LOC400499: variants seen among roughly 807,000 people sequenced by gnomAD.
At chr16:11,409,667 A>C in the LOC400499 span, among the ~76,000 whole-genome samples, 6 of 152,266 alleles carry the variant, frequency 3.9e-5, no homozygotes, top group African/African-American at 1.4e-4. Context: ...GAAAGCTGGG[A>C]AATTGTATAT....
chr16:11,447,319 T>C, the LOC400499 span, among the ~76,000 whole-genome samples: 119,239 of 151,990 alleles, frequency 0.78, 46,932 homozygotes, highest in South Asian at 0.85. Context: ...TAATACTGAT[T>C]GGACACAGTG....
the LOC400499 span, among the ~76,000 whole-genome samples, chr16:11,510,718 C>T: frequency 6.6e-6 from 1 of 151,654 alleles, no homozygotes; most frequent in African/African-American, 2.4e-5. Flanking sequence ...ACAAGCATTT[C>T]GGGTAAGCAT....
chr16:11,447,062 C>T, the LOC400499 span, among the ~76,000 whole-genome samples: 1 of 152,164 alleles, frequency 6.6e-6, no homozygotes, highest in Non-Finnish European at 1.5e-5. Flanking sequence ...CACCTGGCAG[C>T]CCTATGCTTT....
chr16:11,502,249 T>C, the LOC400499 span: 1 of 398,212 alleles, frequency 2.5e-6, no homozygotes, highest in Non-Finnish European at 4.4e-6. Context: ...ACCTCACCCG[T>C]CCCCTGCCTG....
chr16:11,508,836 A>G, the LOC400499 span: 2 of 399,052 alleles, frequency 5.0e-6, no homozygotes, highest in Non-Finnish European at 8.8e-6. Flanking sequence ...TCATGTCTTC[A>G]TCGTCTCTAT....
At chr16:11,484,480 C>G in the LOC400499 span, among the ~76,000 whole-genome samples, 1 of 152,192 alleles carries the variant, frequency 6.6e-6, no homozygotes, top group South Asian at 2.1e-4. Context: ...CAATAAATCT[C>G]ACTTTTAAAA....
At chr16:11,513,469 T>C in the LOC400499 span, among the ~76,000 whole-genome samples, 1 of 151,912 alleles carries the variant, frequency 6.6e-6, no homozygotes, top group African/African-American at 2.4e-5. Context: ...TCTTACTCTA[T>C]CGCCCAGGCT....
At chr16:11,402,080 C>T in the LOC400499 span, 20 of 399,104 alleles carry the variant, frequency 5.0e-5, no homozygotes, top group African/African-American at 3.3e-4. Context: ...ATCCCGGTGG[C>T]TGCCTCCCAA....
the LOC400499 span, among the ~76,000 whole-genome samples, chr16:11,412,302 T>C: frequency 2.0e-5 from 3 of 152,204 alleles, no homozygotes; most frequent in African/African-American, 4.8e-5. Flanking sequence ...CACTGTAAGA[T>C]GCTTAGCAGC....
At chr16:11,428,607 T>C in the LOC400499 span, among the ~76,000 whole-genome samples, 1 of 152,170 alleles carries the variant, frequency 6.6e-6, no homozygotes, top group Admixed American at 6.5e-5. Context: ...TTGGTTTTGG[T>C]GGCATTCGGC....
chr16:11,449,195 G>GAACT, the LOC400499 span: 8 of 1,190,818 alleles, frequency 6.7e-6, no homozygotes, highest in East Asian at 8.1e-5. Flanking sequence ...CCTGCTTGGT[G>GAACT]AACTCCTCTT....
the LOC400499 span, chr16:11,460,452 T>C: frequency 2.6e-6 from 4 of 1,510,124 alleles, no homozygotes; most frequent in African/African-American, 2.7e-5. Context: ...TCTCTCCGGA[T>C]GTCGCACCTG....
the LOC400499 span, chr16:11,501,059 G>A: frequency 2.8e-5 from 11 of 397,220 alleles, no homozygotes; most frequent in Non-Finnish European, 4.4e-5. Context: ...GCTCAGAGAG[G>A]TACGGTGCAG....
the LOC400499 span, chr16:11,476,798 T>A: frequency 2.5e-6 from 1 of 399,250 alleles, no homozygotes; most frequent in Non-Finnish European, 4.4e-6. Flanking sequence ...TCCTCAGGCG[T>A]GTTCAGATGC....
the LOC400499 span, chr16:11,450,968 G>A: frequency 0.8 from 535,580 of 672,244 alleles, 214,443 homozygotes; most frequent in South Asian, 0.85. Context: ...TTTCTAGGAC[G>A]TTGGTAATGT....
chr16:11,379,243 A>G, the LOC400499 span, among the ~76,000 whole-genome samples: 2 of 152,180 alleles, frequency 1.3e-5, no homozygotes, highest in Non-Finnish European at 2.9e-5. Context: ...GTGAGATTCC[A>G]TCTCAAAAAA....
the LOC400499 span, chr16:11,396,656 T>C: frequency 1.3e-3 from 1,596 of 1,231,782 alleles, 33 homozygotes; most frequent in East Asian, 0.044. Flanking sequence ...CAGGGTGTGC[T>C]CCCCGACGAC....
At chr16:11,507,312 A>T in the LOC400499 span, among the ~76,000 whole-genome samples, 60 of 152,278 alleles carry the variant, frequency 3.9e-4, no homozygotes, top group Non-Finnish European at 7.1e-4. Context: ...GTATCCAGTG[A>T]GGAGAGGCCA....
chr16:11,459,883 TGGCCA>T, the LOC400499 span: 1 of 1,353,580 alleles, frequency 7.4e-7, no homozygotes, highest in South Asian at 2.0e-5. Context: ...TCTGCCGCAG[TGGCCA>T]GGCTCACCTC....
Sources: gnomAD v4.1 joint callset for allele counts (sites outside exome capture counted in the v4.1 genomes callset) on GRCh38, gnomAD v4.1.1 for gene constraint, MANE v1.5 for transcripts.